The following VPS13A variants were observed in gnomAD, a reference collection of about 807,000 sequenced individuals.
VPS13A encodes intermembrane lipid transfer protein VPS13A.
In VPS13A, 264 loss-of-function variants were observed where a neutral mutation model predicts 390.9. That is an observed-to-expected ratio of 0.68 (90% confidence interval 0.61 to 0.75). The LOEUF (loss-of-function observed/expected upper bound fraction) is 0.75. Among genes scored for constraint, VPS13A ranks in the 30% least tolerant of loss-of-function variants. The pLI, the probability that VPS13A is intolerant of heterozygous loss-of-function variation, is 0.00. For synonymous variants in VPS13A, 1,231 were observed against 1,227.1 expected, an observed-to-expected ratio of 1.00 and a Z score of -0.07; for missense variants, 3,409 against 3,733.9, an observed-to-expected ratio of 0.91 and a Z score of 2.27.
intron 23 of VPS13A, among the ~76,000 whole-genome samples, chr9:77,261,160 A>G (rs1385231895): frequency 1.3e-5 from 2 of 152,032 alleles, no homozygotes; most frequent in African/African-American, 4.8e-5. Flanking sequence ...CGGCCTTCCA[A>G]AGTGCTGGGA....
rs191880430 is a variant in VPS13A, at chr9:77,359,555, C to T, written c.8105+153C>T. On this transcript the variant is annotated intron_variant, in intron 58 of 71. Transcript: ENST00000360280. ...TAAAAAAATATAATGTTGTGGCTCA[C>T]GCCTGTAATGCCAGCACTTTGGGAG... is the stretch of plus-strand genomic sequence containing the variant. 5.3e-5 allele frequency among the ~76,000 whole-genome samples: 8 copies of T among 152,144 alleles called. No homozygotes were observed. The East Asian group carries it at 1.2e-3, about 22-fold the overall frequency.
At position 77,344,219 on chromosome 9, in the gene VPS13A, C is replaced by G; in HGVS notation, c.7093C>G (p.Pro2365Ala). Residue 2365 changes from proline (P) to alanine (A), a missense_variant, in exon 51 of 72, where the codon CCT becomes GCT. Physicochemically the swap from Pro to Ala is conservative, Grantham distance 27 (BLOSUM62 -1). Around this residue, in one of 5 missense-constraint regions of VPS13A, gnomAD observed 2,717 missense variants for 2,917.4 expected, o/e 0.93. Transcript: ENST00000360280. ...LLIQVERSED[P>A]PKRIYFNKQE... is the part of the protein sequence containing the mutation. ...TATTCAAGTCGAAAGGAGTGAAGAT[C>G]CTCCCAAAAGGATATATTTTAACAA... The G allele has an allele frequency of 6.2e-7, 1 of 1,613,114 alleles. No homozygotes were observed. The highest frequency in any genetic ancestry group is 8.5e-7 in the Non-Finnish European group (1 of 1,179,320).
chr9:77,408,293 A>AAAC, intron 71 of VPS13A, among the ~76,000 whole-genome samples: 1 of 151,156 alleles, frequency 6.6e-6, no homozygotes, highest in East Asian at 1.9e-4. Context: ...TTATATCATG[A>AAAC]AACTTACAGT....
Position 77,351,783 on chromosome 9 carries a change from C to T in VPS13A, c.7419+337C>T, listed in dbSNP as rs146500339. On this transcript the variant is annotated intron_variant, in intron 53 of 71. Transcript: ENST00000360280. ...ACTAAGGAGGCTGAGGCAGAAGAAT[C>T]GCTTGAACCCGGGAGGCAGCGATTG... Among the ~76,000 whole-genome samples the T allele has an allele frequency of 5.4e-3, 819 of 152,132 alleles. 7 individuals carry two copies. The highest frequency in any genetic ancestry group is 0.014 in the Middle Eastern group (4 of 294).
At position 77,417,886 on chromosome 9, in the gene VPS13A, G is replaced by T. The variant is rs184600647; in HGVS notation, c.*1880G>T. 1 of 152,122 alleles carries T rather than the reference G, an allele frequency of 6.6e-6. No homozygotes were observed. Among genetic ancestry groups the T allele is most frequent in the Admixed American group, 6.5e-5 (1 of 15,268 alleles). The allele number at this position is 152,122 out of a possible 1,614,324, so 9.4% of individuals were successfully genotyped here. ...TTCCTGTTCCCTTGCCATAAGAACC[G>T]TGAAATCTCTCCTTTCCCTGCCACT... On this transcript the variant is annotated 3_prime_UTR_variant, in exon 72 of 72. Coordinates refer to ENST00000360280, the MANE Select transcript of VPS13A (RefSeq NM_033305.3).
intron 71 of VPS13A, among the ~76,000 whole-genome samples, chr9:77,412,960 CAGAG>C (rs1293473664): frequency 2.0e-5 from 3 of 152,116 alleles, no homozygotes; most frequent in Non-Finnish European, 4.4e-5. Context: ...CAATAACAGA[CAGAG>C]AGCCAAATCA....
chr9:77,366,293 A>G (rs1408245221), intron 60 of VPS13A, among the ~76,000 whole-genome samples: 3 of 152,128 alleles, frequency 2.0e-5, no homozygotes, highest in African/African-American at 7.2e-5. Context: ...AAGAATTTTG[A>G]ATCAAAATTC....
chr9:77,329,731 A>G (rs1830187970), intron 45 of VPS13A, among the ~76,000 whole-genome samples: 1 of 152,214 alleles, frequency 6.6e-6, no homozygotes. Flanking sequence ...TAATTTGTAA[A>G]AAATGAAATA....
chr9:77,401,957 G>A (rs1834414277), intron 68 of VPS13A, among the ~76,000 whole-genome samples: 1 of 152,102 alleles, frequency 6.6e-6, no homozygotes, highest in Non-Finnish European at 1.5e-5. Flanking sequence ...TGTGTATATA[G>A]GAAAAACCAT....
chr9:77,318,527 G>T lies in VPS13A; in HGVS notation c.5249G>T (p.Arg1750Leu), dbSNP rs369288638. 4 of 1,613,746 alleles carry T rather than the reference G, an allele frequency of 2.5e-6. No individual in the cohort carries two copies. Among genetic ancestry groups the T allele is most frequent in the Non-Finnish European group, 2.5e-6 (3 of 1,179,892 alleles). The change falls in exon 41 of 72, where the codon CGT becomes CTT. Residue 1750 changes from arginine (R) to leucine (L), a missense_variant. Transcript: ENST00000360280. ...GTACCTATGCTTCTGGCAAAGTCAC[G>T]TTTTTCAGGGGAAGGCAAAAACTGG... ...RTVPMLLAKS[R>L]FSGEGKNWSS... is the part of the protein sequence containing the mutation.
chr9:77,245,287 G>T (rs1034632965), intron 19 of VPS13A, among the ~76,000 whole-genome samples: 1 of 152,172 alleles, frequency 6.6e-6, no homozygotes, highest in Non-Finnish European at 1.5e-5. Flanking sequence ...ACTTAGATTT[G>T]TAGAAGCCAG....
intron 52 of VPS13A, among the ~76,000 whole-genome samples, chr9:77,349,212 C>G (rs1262608738): frequency 6.6e-6 from 1 of 151,632 alleles, no homozygotes; most frequent in Non-Finnish European, 1.5e-5. Context: ...TTGTTCTCTC[C>G]CTCCCTCCCT....
intron 35 of VPS13A, among the ~76,000 whole-genome samples, chr9:77,313,087 A>G (rs375298943): frequency 2.5e-4 from 38 of 152,352 alleles, no homozygotes; most frequent in African/African-American, 8.9e-4. Context: ...ATGACTAGCT[A>G]TAAGAGTGAA....
chr9:77,269,753 G>A (rs1057358428), intron 23 of VPS13A, among the ~76,000 whole-genome samples: 9 of 152,192 alleles, frequency 5.9e-5, no homozygotes, highest in African/African-American at 1.9e-4. Flanking sequence ...TGTACATAGT[G>A]TATGGGCTGA....
chr9:77,243,764 A>T (rs935567498), intron 19 of VPS13A, among the ~76,000 whole-genome samples: 2 of 152,164 alleles, frequency 1.3e-5, no homozygotes, highest in Admixed American at 1.3e-4. Flanking sequence ...TAGATGTTAT[A>T]CTCTTATGGA....
chr9:77,232,461 G>T (rs1266369335), intron 17 of VPS13A, among the ~76,000 whole-genome samples: 2 of 152,140 alleles, frequency 1.3e-5, no homozygotes, highest in East Asian at 3.9e-4. Flanking sequence ...GTTTCAGAAG[G>T]ATTGTTATTA....
chr9:77,250,303 C>T, intron 21 of VPS13A, 74 bp downstream of exon 21: 1 of 1,514,864 alleles, frequency 6.6e-7, no homozygotes, highest in Non-Finnish European at 9.1e-7. Flanking sequence ...ACTTTGAAGA[C>T]CTTCCTCTTA....
chr9:77,264,609 G>T (rs1825931893), intron 23 of VPS13A, among the ~76,000 whole-genome samples: 1 of 152,142 alleles, frequency 6.6e-6, no homozygotes, highest in Non-Finnish European at 1.5e-5. Context: ...TCTATTATTG[G>T]TGTATAGGAA....
chr9:77,195,164 C>T (rs894048851), intron 1 of VPS13A, among the ~76,000 whole-genome samples: 9 of 152,124 alleles, frequency 5.9e-5, no homozygotes, highest in Non-Finnish European at 1.2e-4. Context: ...AAGCCTGTCA[C>T]ACAGGCTGGA....
Sources: gnomAD v4.1 joint callset for allele counts (sites outside exome capture counted in the v4.1 genomes callset) on GRCh38, gnomAD v4.1.1 for gene constraint, gnomAD v4.1.1 regional missense constraint, MANE v1.5 for transcripts, NCBI Gene and HGNC (gene_info 2026-07-23, HGNC 2026-07-21) for gene names.